The following TMC7 variants were observed in gnomAD, a reference collection of about 807,000 sequenced individuals.
TMC7 encodes the protein transmembrane channel like 7.
TMC7 carries 54 observed loss-of-function variants against 82.9 expected under a neutral mutation model. The ratio of observed to expected loss-of-function variants is 0.65; its 90% CI spans 0.52 to 0.82. The LOEUF is 0.82. Ranked by LOEUF, TMC7 falls within the 40% of genes least tolerant of loss-of-function variation. The probability of loss-of-function intolerance (pLI) is 0.00; values close to 1 mark genes in which losing one functional copy is unlikely to be tolerated. For missense variants in TMC7, 820 were observed against 901.2 expected (o/e 0.91, Z 1.15); for synonymous variants, 350 against 337.9 (o/e 1.04, Z -0.39).
chr16:19,056,743 C>T, intron 14 of TMC7, 46 bp downstream of exon 14: 1 of 1,597,384 alleles, frequency 6.3e-7, no homozygotes, highest in Non-Finnish European at 8.5e-7. Context: ...GGGCTCCTCC[C>T]ATTGGGAAAT....
intron 1 of TMC7, among the ~76,000 whole-genome samples, chr16:18,994,828 G>C (rs1011748827): frequency 1.3e-5 from 2 of 152,196 alleles, no homozygotes; most frequent in Non-Finnish European, 2.9e-5. Flanking sequence ...TGCTGTAACA[G>C]GCAAGTGATA....
At chr16:19,052,609 C>T (rs1030000791) in intron 13 of TMC7, among the ~76,000 whole-genome samples, 9 of 152,056 alleles carry the variant, frequency 5.9e-5, no homozygotes, top group South Asian at 2.1e-4. Context: ...CCAAGGAGTT[C>T]GAGACCAGCA....
chr16:19,045,557 C>A, intron 11 of TMC7, 119 bp downstream of exon 11: 2 of 657,008 alleles, frequency 3.0e-6, no homozygotes, highest in Non-Finnish European at 5.4e-6. Flanking sequence ...CTGGATGACT[C>A]TACAGCCCTG....
chr16:18,990,574 G>A (rs1277363423), intron 1 of TMC7, among the ~76,000 whole-genome samples: 4 of 152,110 alleles, frequency 2.6e-5, no homozygotes, highest in Non-Finnish European at 5.9e-5. Context: ...CGTGAGCAGC[G>A]TAGCTGTTTA....
chr16:19,057,950 T>C (rs1288600895), intron 14 of TMC7, among the ~76,000 whole-genome samples: 3 of 151,596 alleles, frequency 2.0e-5, no homozygotes, highest in Non-Finnish European at 4.4e-5. Flanking sequence ...GCAGTTGATT[T>C]TTTTTTTTTT....
At position 19,051,671 on chromosome 16, in the gene TMC7, T is replaced by C; in HGVS notation, c.1741-15T>C. The stretch of plus-strand genomic sequence containing the variant: ...ACTTATTGATCTTAATTTTTCTTTC[T>C]TTTTCTCCTTGTAGTGGAGTCTGCT... On this transcript the variant is annotated splice_polypyrimidine_tract_variant and intron_variant, in intron 12 of 15. Transcript: ENST00000304381. The C allele has an allele frequency of 6.2e-7, 1 of 1,612,224 alleles. No homozygotes were observed. The highest frequency in any genetic ancestry group is 8.5e-7 in the Non-Finnish European group (1 of 1,178,770).
Position 19,030,171 on chromosome 16 carries a change from G to A in TMC7, c.712-53G>A, listed in dbSNP as rs2142236423. 1.3e-5 allele frequency: 20 copies of A among 1,566,732 alleles called. No homozygotes were observed. In the South Asian group the frequency reaches 1.6e-4, roughly 12 times the overall value. On this transcript the variant is annotated intron_variant, in intron 5 of 15. Transcript: ENST00000304381. ...CCTTGAGGCAGGGACTACTCTTCTG[G>A]TTCCCTGCAGTAAGCTGACCAGTCT...
intron 1 of TMC7, among the ~76,000 whole-genome samples, chr16:19,005,056 TTTTA>T (rs141697169): frequency 0.3 from 43,911 of 144,020 alleles, 6,812 homozygotes; most frequent in African/African-American, 0.34. Context: ...AAATACTTTA[TTTTA>T]TTTATTTATT....
At chr16:18,999,982 C>T (rs2039113770) in intron 1 of TMC7, among the ~76,000 whole-genome samples, 2 of 151,768 alleles carry the variant, frequency 1.3e-5, no homozygotes, top group African/African-American at 2.4e-5. Flanking sequence ...CCAGGATGGT[C>T]TCGATCTCCT....
Position 19,030,578 on chromosome 16 carries a change from CT to C in TMC7, c.857+226del, listed in dbSNP as rs572433772. Reference sequence around the variant, plus strand: ...GATGGAGTAGCAGACTGAGGTTCTTCTTTTTTTTTTTTTTTTTCCAGACAGA... The same window carrying C: ...GATGGAGTAGCAGACTGAGGTTCTTCTTTTTTTTTTTTTTTTCCAGACAGA... On this transcript the variant is annotated intron_variant, in intron 6 of 15. Transcript: ENST00000304381. 5.1e-3 allele frequency among the ~76,000 whole-genome samples: 686 copies of C among 135,286 alleles called. 2 individuals are homozygous for C. Among genetic ancestry groups the C allele is most frequent in the Admixed American group, 9.3e-3 (125 of 13,454 alleles). 88.8% of individuals were successfully genotyped at this position (135,286 alleles called of 152,430 possible).
chr16:19,024,618 G>A (rs1412430665), intron 5 of TMC7, among the ~76,000 whole-genome samples: 1 of 151,678 alleles, frequency 6.6e-6, no homozygotes, highest in Admixed American at 6.6e-5. Flanking sequence ...GAGTGTAGTG[G>A]TGCAATTGTA....
At chr16:18,985,154 G>A (rs1229038431) in intron 1 of TMC7, among the ~76,000 whole-genome samples, 1 of 152,040 alleles carries the variant, frequency 6.6e-6, no homozygotes, top group Non-Finnish European at 1.5e-5. Flanking sequence ...CAGCTACTTG[G>A]GAGGCTGAGG....
chr16:19,006,518 C>T (rs2039243552), intron 1 of TMC7, among the ~76,000 whole-genome samples: 3 of 152,280 alleles, frequency 2.0e-5, no homozygotes, highest in Admixed American at 6.5e-5. Context: ...CAAAGCACAA[C>T]ATCCCAAGGT....
intron 1 of TMC7, among the ~76,000 whole-genome samples, chr16:19,000,429 T>A (rs1003245516): frequency 1.3e-5 from 2 of 151,956 alleles, no homozygotes; most frequent in Non-Finnish European, 2.9e-5. Flanking sequence ...ATTGCGCCAC[T>A]GCACCACTGC....
At chr16:18,993,496 G>C (rs2038986332) in intron 1 of TMC7, among the ~76,000 whole-genome samples, 1 of 152,128 alleles carries the variant, frequency 6.6e-6, no homozygotes, top group Admixed American at 6.6e-5. Flanking sequence ...AGAGTAAATA[G>C]GAGTGACCAA....
chr16:19,047,080 G>C lies in TMC7; in HGVS notation c.1571G>C (p.Cys524Ser), dbSNP rs776945867. Residue 524 changes from cysteine (C) to serine (S), a missense_variant, in exon 12 of 16, where the codon TGT becomes TCT. Physicochemically the swap from Cys to Ser is moderately radical, Grantham distance 112 (BLOSUM62 -1). Around this residue, in one of 2 missense-constraint regions of TMC7, gnomAD observed 650 missense variants for 669.9 expected, o/e 0.97. Transcript: ENST00000304381. Reference protein sequence around the residue: ...DFPRKLLVTYCSSCKLIQCWG... With the variant: ...DFPRKLLVTYSSSCKLIQCWG... ...GTTTCCAGGCTCCTGGTGACCTACT[G>C]TTCCTCTTGCAAGCTGATTCAGTGC... 7 of 1,611,138 alleles carry C rather than the reference G, an allele frequency of 4.3e-6. No homozygotes were observed. In the Admixed American group the frequency reaches 8.4e-5, roughly 19 times the overall value.
intron 1 of TMC7, chr16:18,984,396 C>T: frequency 1.6e-6 from 2 of 1,260,022 alleles, no homozygotes; most frequent in Non-Finnish European, 2.0e-6. Flanking sequence ...GTTTGTCTTC[C>T]AGCTGTTGAC....
intron 3 of TMC7, among the ~76,000 whole-genome samples, chr16:19,018,544 A>C (rs191659113): frequency 4.2e-4 from 64 of 152,238 alleles, no homozygotes; most frequent in African/African-American, 1.3e-3. Flanking sequence ...CTCATCTCCA[A>C]ATACCATGAC....
Position 18,983,994 on chromosome 16 carries a change from G to C in TMC7, c.-70G>C. The C allele has an allele frequency of 1.5e-6, 2 of 1,351,144 alleles. No individual in the cohort carries two copies. Among genetic ancestry groups the C allele is most frequent in the Non-Finnish European group, 1.9e-6 (2 of 1,053,572 alleles). 83.7% of individuals were successfully genotyped at this position (1,351,144 alleles called of 1,614,324 possible). On this transcript the variant is annotated 5_prime_UTR_variant, in exon 1 of 16. Coordinates refer to ENST00000304381, the MANE Select transcript of TMC7 (RefSeq NM_024847.4). ...AATCCCGGCTCCGCGAGGGAAGGCCGGGGAGGCGGCGGCGGCGGCGGCGGC... is the reference window on the plus strand; with the variant it reads ...AATCCCGGCTCCGCGAGGGAAGGCCCGGGAGGCGGCGGCGGCGGCGGCGGC...
Sources: gnomAD v4.1 joint callset for allele counts (sites outside exome capture counted in the v4.1 genomes callset) on GRCh38, gnomAD v4.1.1 for gene constraint, gnomAD v4.1.1 regional missense constraint, MANE v1.5 for transcripts, NCBI Gene and HGNC (gene_info 2026-07-23, HGNC 2026-07-21) for gene names.